Variants in C5 observed in about 807,000 individuals in gnomAD.
The protein encoded by C5 is C3 and PZP-like alpha-2-macroglobulin domain-containing protein 4.
Under a neutral mutation model 218.8 loss-of-function variants are expected in C5, and 140 were observed. The observed-to-expected ratio is 0.64, with a 90% CI of 0.56 to 0.74. The LOEUF is 0.74. Ranked by LOEUF, C5 falls within the 30% of genes least tolerant of loss-of-function variation. The probability of loss-of-function intolerance (pLI) is 0.00; values close to 1 mark genes in which losing one functional copy is unlikely to be tolerated. For synonymous variants in C5, 614 were observed against 682.3 expected, an observed-to-expected ratio of 0.90 and a Z score of 1.56; for missense variants, 1,700 against 1,969.6, an observed-to-expected ratio of 0.86 and a Z score of 2.59.
At chr9:121,019,939 G>C (rs866057140) in intron 12 of C5, 37 bp downstream of exon 12, 1 of 1,306,634 alleles carries the variant, frequency 7.7e-7, no homozygotes, top group East Asian at 2.3e-5. Flanking sequence ...TGTTCCAGGT[G>C]GGGGAATAAG....
chr9:121,059,513 G>T, the C5 span, among the ~76,000 whole-genome samples: 1 of 152,150 alleles, frequency 6.6e-6, no homozygotes, highest in Non-Finnish European at 1.5e-5. This position sits in a 1 kb window ranked among gnomAD's most constrained non-coding sequence, Gnocchi z 4.1. Flanking sequence ...TTCAGCATAA[G>T]TTCCTTCATC....
Position 121,006,065 on chromosome 9 carries a change from C to T in C5, c.2423-7G>A. 1 of 1,613,436 alleles carries T rather than the reference C, an allele frequency of 6.2e-7. No homozygotes were observed. The highest frequency in any genetic ancestry group is 8.5e-7 in the Non-Finnish European group (1 of 1,179,576). On this transcript the variant is annotated splice_polypyrimidine_tract_variant and splice_region_variant and intron_variant, in intron 19 of 40. Coordinates refer to ENST00000223642, the MANE Select transcript of C5 (RefSeq NM_001735.3). ...GTATCAGCAACACATATACCTTCAGCCCAAAGTGGAAGCAAAGTAGAATCA... is the reference window on the plus strand; with the variant it reads ...GTATCAGCAACACATATACCTTCAGTCCAAAGTGGAAGCAAAGTAGAATCA...
At chr9:121,018,742 A>AAGGAAGGAAGGAAGGAAGG (rs774937700) in intron 12 of C5, among the ~76,000 whole-genome samples, 1 of 99,172 alleles carries the variant, frequency 1.0e-5, no homozygotes, top group Non-Finnish European at 2.0e-5. Flanking sequence ...GGAAGGAAGG[A>AAGGAAGGAAGGAAGGAAGG]AAGGAAGGAA....
Position 120,989,740 on chromosome 9 carries a change from C to G in C5, c.2982G>C (p.Gln994His). The stretch of plus-strand genomic sequence containing the variant: ...GGTGGGTTAGGATATTGATGCCTTC[C>G]TGACTTAGAACTGCAGACAAGATCT... ...VGEILSAVLS[Q>H]EGINILTHLP... Residue 994 changes from glutamine to histidine, a missense_variant, in exon 24 of 41, where the codon CAG becomes CAC. Physicochemically the swap from Gln to His is conservative, Grantham distance 24. Transcript: ENST00000223642. 1 of 1,614,064 alleles carries G rather than the reference C, an allele frequency of 6.2e-7. No homozygotes were observed.
intron 2 of C5, among the ~76,000 whole-genome samples, chr9:121,044,948 CTTTTTTT>C (rs1158658235): frequency 7.8e-6 from 1 of 127,834 alleles, no homozygotes; most frequent in African/African-American, 2.9e-5. Flanking sequence ...GTAACACTTT[CTTTTTTT>C]TTTTTTTTTT....
At chr9:120,993,178 G>A (rs529757588) in intron 22 of C5, among the ~76,000 whole-genome samples, 20 of 152,262 alleles carry the variant, frequency 1.3e-4, no homozygotes, top group African/African-American at 4.6e-4. Context: ...GTGGAGAGAC[G>A]AGAACCCTCG....
rs542039972 is a variant in C5, at chr9:120,997,916, C to G, written c.2563-142G>C. The G allele has an allele frequency of 1.7e-3, 1,127 of 674,304 alleles. 2 individuals carry two copies. The highest frequency in any genetic ancestry group is 2.6e-3 in the Non-Finnish European group (1,028 of 391,696). The allele number at this position is 674,304 out of a possible 1,614,324, so 41.8% of individuals were successfully genotyped here. On this transcript the variant is annotated intron_variant, in intron 20 of 40. Transcript: ENST00000223642. ...CTCCCGGATTCAAGCAATTCTCCTG[C>G]CTCAGCCTCCTGAGTAGCTGGGATT... is the stretch of plus-strand genomic sequence containing the variant.
At chr9:120,964,216 G>A (rs1249236041) in intron 33 of C5, among the ~76,000 whole-genome samples, 1 of 152,214 alleles carries the variant, frequency 6.6e-6, no homozygotes, top group Non-Finnish European at 1.5e-5. Flanking sequence ...GGTGGCTTAC[G>A]CCTATAATCC....
At position 121,039,131 on chromosome 9, in the gene C5, G is replaced by A. The variant is rs532668718; in HGVS notation, c.422-1180C>T. On this transcript the variant is annotated intron_variant, in intron 3 of 40. Coordinates refer to ENST00000223642, the MANE Select transcript of C5 (RefSeq NM_001735.3). ...ACTTGTAAAACAGGAATACTAGTGT[G>A]TGCTCATAGTGTCCTTGTGAGAATT... Among the ~76,000 whole-genome samples, 4 of 152,178 alleles carry A rather than the reference G, an allele frequency of 2.6e-5. No homozygotes were observed. The South Asian group carries it at 8.3e-4, about 32-fold the overall frequency.
At position 121,027,241 on chromosome 9, in the gene C5, G is replaced by T; in HGVS notation, c.792C>A (p.Asp264Glu). ...CTCTTATTCCAAATGTGATATAAAC[G>T]TCAGCCTCAGTGACTACTTTATTAT... is the stretch of plus-strand genomic sequence containing the variant. ...YFYNKVVTEA[D>E]VYITFGIRED... Residue 264 changes from aspartate to glutamate, a missense_variant, in exon 8 of 41, where the codon GAC becomes GAA. By Grantham distance (45) the Asp-to-Glu change is conservative. Transcript: ENST00000223642. 6.3e-7 allele frequency: 1 copy of T among 1,586,674 alleles called. No homozygotes were observed. The highest frequency in any genetic ancestry group is 8.6e-7 in the Non-Finnish European group (1 of 1,156,902).
At chr9:120,971,791 A>G (rs945914567) in intron 31 of C5, 139 bp downstream of exon 31, 7 of 683,668 alleles carry the variant, frequency 1.0e-5, no homozygotes, top group African/African-American at 5.4e-5. Flanking sequence ...TGCTAGAAAG[A>G]TTTACATAAG....
At chr9:121,024,025 T>C (rs935986635) in intron 9 of C5, among the ~76,000 whole-genome samples, 2 of 150,032 alleles carry the variant, frequency 1.3e-5, no homozygotes, top group Admixed American at 6.7e-5. Context: ...CGGGCCAACA[T>C]GGTGAAACCT....
chr9:120,987,079 C>T (rs546935555), intron 25 of C5, among the ~76,000 whole-genome samples: 2 of 152,316 alleles, frequency 1.3e-5, no homozygotes, highest in South Asian at 2.1e-4. Context: ...TATTGTTGTG[C>T]ACTGAGTAAA....
At chr9:121,033,739 A>G (rs183701593) in intron 5 of C5, among the ~76,000 whole-genome samples, 17 of 152,380 alleles carry the variant, frequency 1.1e-4, no homozygotes, top group Non-Finnish European at 2.1e-4. Context: ...AATTTCAGTC[A>G]GCGAATTAAC....
chr9:120,952,538 C>T lies in C5; in HGVS notation c.*201G>A, dbSNP rs1163488697. ...CCTTGGAGGAGTATCTGTCTTCATG[C>T]CCTCCAAGGCCATGTTATTTCAGAA... On this transcript the variant is annotated 3_prime_UTR_variant, in exon 41 of 41. Coordinates refer to ENST00000223642, the MANE Select transcript of C5 (RefSeq NM_001735.3). 2.0e-6 allele frequency: 1 copy of T among 497,074 alleles called. No individual in the cohort carries two copies. The highest frequency in any genetic ancestry group is 2.0e-5 in the African/African-American group (1 of 50,994). The allele number at this position is 497,074 out of a possible 1,614,324, so 30.8% of individuals were successfully genotyped here.
At chr9:121,011,369 G>C (rs1455935712) in intron 17 of C5, among the ~76,000 whole-genome samples, 1 of 152,178 alleles carries the variant, frequency 6.6e-6, no homozygotes, top group Non-Finnish European at 1.5e-5. Flanking sequence ...AAAAGCATGT[G>C]AAAAGGTGCT....
chr9:120,989,608 T>TG lies in C5; in HGVS notation c.3113dup (p.Leu1039IlefsTer3), dbSNP rs1339780084. On this transcript the variant is annotated frameshift_variant, in exon 24 of 41. Coordinates refer to ENST00000223642, the MANE Select transcript of C5 (RefSeq NM_001735.3). LOFTEE classifies it high-confidence loss of function. ...TCTTCAGTTTCTGCTTTTCAATTAA[T>TG]GGGTCAGAATGAAAAATGTTCCAAT... 6.2e-7 allele frequency: 1 copy of TG among 1,612,502 alleles called. No homozygotes were observed. Among genetic ancestry groups the TG allele is most frequent in the Admixed American group, 1.7e-5 (1 of 59,972 alleles).
chr9:120,957,372 G>A lies in C5; in HGVS notation c.4679-4C>T, dbSNP rs765964821. On this transcript the variant is annotated splice_region_variant and splice_polypyrimidine_tract_variant and intron_variant, in intron 38 of 40. Coordinates refer to ENST00000223642, the MANE Select transcript of C5 (RefSeq NM_001735.3). The stretch of plus-strand genomic sequence containing the variant: ...GATGTGATGCTAACTTTATAAGCTG[G>A]CAAAAGACAAACAACAATGAAACAA... The A allele has an allele frequency of 1.2e-6, 2 of 1,608,662 alleles. No homozygotes were observed.
chr9:121,052,066 C>G (rs36223436), upstream of C5, among the ~76,000 whole-genome samples: 3 of 152,066 alleles, frequency 2.0e-5, no homozygotes, highest in Non-Finnish European at 2.9e-5. Flanking sequence ...AATGATGGAT[C>G]TCAAAGATTC....
Sources: gnomAD v4.1 joint callset for allele counts (sites outside exome capture counted in the v4.1 genomes callset) on GRCh38, gnomAD v4.1.1 for gene constraint, Gnocchi (gnomAD v3.1) non-coding constraint, MANE v1.5 for transcripts, NCBI Gene and HGNC (gene_info 2026-07-23, HGNC 2026-07-21) for gene names.